Variants in ZHX1 observed in about 807,000 individuals in gnomAD.
ZHX1 encodes zinc fingers and homeoboxes protein 1.
Under a neutral mutation model 61.8 loss-of-function variants are expected in ZHX1, and 20 were observed. That is an observed-to-expected ratio of 0.32 (90% CI 0.23 to 0.47). The LOEUF (loss-of-function observed/expected upper bound fraction) is 0.47. ZHX1 is among the 20% of genes least tolerant of loss of function. The pLI is 1.00. For missense variants in ZHX1, 800 were observed against 1,034.8 expected, an observed-to-expected ratio of 0.77 and a Z score of 3.11; for synonymous variants, 318 against 352.6, an observed-to-expected ratio of 0.90 and a Z score of 1.10.
chr8:123,254,810 A>G lies in ZHX1; in HGVS notation c.1137T>C (p.Asn379=). The change falls in exon 3 of 4, where the codon AAT becomes AAC. Residue 379 remains asparagine (N), a synonymous_variant. Coordinates refer to ENST00000395571, the MANE Select transcript of ZHX1 (RefSeq NM_007222.5). The surrounding 1 kb of genome is among the most constrained non-coding windows in gnomAD (Gnocchi z 4.1). ...VIPTHISTGS[N]GLPSILQTCQ... ...ATGTCTGTAAAATAGATGGTAAACC[A>G]TTACTCCCTGTGGAAATGTGTGTAG... 1 of 1,614,214 alleles carries G rather than the reference A, an allele frequency of 6.2e-7. No homozygotes were observed.
rs1825974120 is a variant in ZHX1, at chr8:123,253,462, T to C, written c.2485A>G (p.Ile829Val). 4 of 1,614,182 alleles carry C rather than the reference T, an allele frequency of 2.5e-6. No individual in the cohort carries two copies. The highest frequency in any genetic ancestry group is 2.5e-6 in the Non-Finnish European group (3 of 1,180,022). ...AERQRRSELG[I>V]ELFEENEEED... ...TCCTCATTTTCCTCAAATAATTCTA[T>C]ACCTAATTCTGATCTTCTCTGTCTT... The change falls in exon 3 of 4, where the codon ATA becomes GTA. Residue 829 changes from isoleucine (I) to valine (V), a missense_variant. Coordinates refer to ENST00000395571, the MANE Select transcript of ZHX1 (RefSeq NM_007222.5).
rs556429617 is a variant in ZHX1, at chr8:123,255,972, T to C, written c.-26A>G. 5.0e-5 allele frequency: 79 copies of C among 1,565,696 alleles called. No individual in the cohort carries two copies. Among genetic ancestry groups the C allele is most frequent in the Non-Finnish European group, 6.5e-5 (75 of 1,157,228 alleles). On this transcript the variant is annotated 5_prime_UTR_variant, in exon 3 of 4. Transcript: ENST00000395571. ...TCTGATGTTATGAGGAAAAGCTCAG[T>C]GGTGATTAAAAAGCATCGAGGCTTA...
intron 2 of ZHX1, among the ~76,000 whole-genome samples, chr8:123,264,206 T>C (rs1826376420): frequency 6.6e-6 from 1 of 152,184 alleles, no homozygotes; most frequent in East Asian, 1.9e-4. Flanking sequence ...GAAAAGGGTA[T>C]AGTTATTATA....
intron 2 of ZHX1, among the ~76,000 whole-genome samples, chr8:123,260,629 C>CAT (rs373661677): frequency 2.0e-5 from 3 of 151,442 alleles, no homozygotes; most frequent in Admixed American, 6.6e-5. Context: ...AAAAACCCCA[C>CAT]ATATATATAT....
In ZHX1 at chr8:123,255,720, G is replaced by A. The variant is rs1469840898; in HGVS notation, c.227C>T (p.Thr76Ile). Residue 76 changes from threonine (T) to isoleucine (I), a missense_variant, in exon 3 of 4, where the codon ACT becomes ATT. Coordinates refer to ENST00000395571, the MANE Select transcript of ZHX1 (RefSeq NM_007222.5). ...VEGGYECKYCTFQTPDLNMFT... is the reference protein window; with the variant it reads ...VEGGYECKYCIFQTPDLNMFT... ...CATATTTAGATCTGGAGTTTGAAAA[G>A]TACAATATTTACATTCATATCCACC... 9 of 1,613,652 alleles carry A rather than the reference G, an allele frequency of 5.6e-6. No individual in the cohort carries two copies. Among genetic ancestry groups the A allele is most frequent in the Non-Finnish European group, 6.8e-6 (8 of 1,179,908 alleles).
intron 2 of ZHX1, among the ~76,000 whole-genome samples, chr8:123,259,532 T>G (rs1826181787): frequency 6.6e-6 from 1 of 152,188 alleles, no homozygotes; most frequent in African/African-American, 2.4e-5. Context: ...GCAGGAAGAT[T>G]CCCTGAGTCT....
intron 1 of ZHX1, among the ~76,000 whole-genome samples, chr8:123,268,696 T>A (rs1461559757): frequency 6.6e-6 from 1 of 152,196 alleles, no homozygotes; most frequent in Non-Finnish European, 1.5e-5. Context: ...TTCACCATGT[T>A]GGCCAGGATG....
At chr8:123,268,877 T>G (rs11993945) in intron 1 of ZHX1, among the ~76,000 whole-genome samples, 9,081 of 152,300 alleles carry the variant, frequency 0.06, 874 homozygotes, top group African/African-American at 0.21. Context: ...CTTATTTTTT[T>G]ATTCCTGCTA....
chr8:123,253,039 T>A (rs547521617), intron 3 of ZHX1: 1 of 286,338 alleles, frequency 3.5e-6, no homozygotes, highest in South Asian at 1.5e-4. Context: ...CCTGCCAGTC[T>A]CCCTTCATAG....
At position 123,255,262 on chromosome 8, in the gene ZHX1, C is replaced by G; in HGVS notation, c.685G>C (p.Ala229Pro). ...EEIVENPSSS[A>P]SESNTSTSIV... ...GAAGTACTTGTATTAGATTCAGAAG[C>G]TGAAGAACTTGGATTTTCTACAATT... The change falls in exon 3 of 4, where the codon GCT becomes CCT. Residue 229 changes from alanine to proline, a missense_variant. Ala to Pro is a conservative substitution (Grantham distance 27). Coordinates refer to ENST00000395571, the MANE Select transcript of ZHX1 (RefSeq NM_007222.5). 1 of 1,614,186 alleles carries G rather than the reference C, an allele frequency of 6.2e-7. No homozygotes were observed. Among genetic ancestry groups the G allele is most frequent in the Non-Finnish European group, 8.5e-7 (1 of 1,180,036 alleles).
intron 1 of ZHX1, 67 bp downstream of exon 1, chr8:123,274,124 TTCCCGTGCCGGCCGCGGACTCTGCGC>T (rs1451446243): frequency 1.3e-5 from 2 of 152,856 alleles, no homozygotes; most frequent in East Asian, 3.9e-4. Context: ...CTACTCGCCT[TTCCCGTGCCGGCCGCGGACTCTGCGC>T]TCCAGTTCCC....
intron 2 of ZHX1, among the ~76,000 whole-genome samples, chr8:123,266,130 T>C (rs1305619478): frequency 1.3e-5 from 2 of 152,194 alleles, no homozygotes; most frequent in Admixed American, 1.3e-4. Context: ...AAGTGATATA[T>C]AAACTAGCAG....
In ZHX1 at chr8:123,254,465, A is replaced by C; in HGVS notation, c.1482T>G (p.Ile494Met). 1 of 1,614,066 alleles carries C rather than the reference A, an allele frequency of 6.2e-7. No homozygotes were observed. The change falls in exon 3 of 4, where the codon ATT (isoleucine) becomes ATG (methionine). Residue 494 changes from isoleucine (I) to methionine (M), a missense_variant. Coordinates refer to ENST00000395571, the MANE Select transcript of ZHX1 (RefSeq NM_007222.5). This position sits in a 1 kb window ranked among gnomAD's most constrained non-coding sequence, Gnocchi z 4.1. ...LKNQFPHDSE[I>M]IRLMKITGLT... ...GGCCTGTTATTTTCATAAGTCTGAT[A>C]ATTTCTGAATCATGGGGAAACTGAT...
At chr8:123,251,066 T>G (rs561787465) in intron 3 of ZHX1, among the ~76,000 whole-genome samples, 13 of 152,284 alleles carry the variant, frequency 8.5e-5, no homozygotes, top group African/African-American at 2.9e-4. Flanking sequence ...GGGAGCCTGG[T>G]GGGAGGTGAC....
chr8:123,249,587 T>C lies in ZHX1; in HGVS notation c.*737A>G, dbSNP rs1825861318. On this transcript the variant is annotated 3_prime_UTR_variant, in exon 4 of 4. Coordinates refer to ENST00000395571, the MANE Select transcript of ZHX1 (RefSeq NM_007222.5). ...TTACCATGTCAGTTTCTTTTCCTTC[T>C]TCAGAATTAATTTCCTGCAGTTTAA... 2 of 152,154 alleles carry C rather than the reference T, an allele frequency of 1.3e-5. No individual in the cohort carries two copies. The highest frequency in any genetic ancestry group is 4.8e-5 in the African/African-American group (2 of 41,438). The allele number at this position is 152,154 out of a possible 1,614,324, so 9.4% of individuals were successfully genotyped here.
chr8:123,254,838 A>G lies in ZHX1; in HGVS notation c.1109T>C (p.Ile370Thr), dbSNP rs1321557684. 6.2e-7 allele frequency: 1 copy of G among 1,614,108 alleles called. No individual in the cohort carries two copies. The highest frequency in any genetic ancestry group is 8.5e-7 in the Non-Finnish European group (1 of 1,180,044). The change falls in exon 3 of 4, where the codon ATT becomes ACT. Residue 370 changes from isoleucine to threonine, a missense_variant. Transcript: ENST00000395571. The surrounding 1 kb of genome is among the most constrained non-coding windows in gnomAD (Gnocchi z 4.1). ...VHTVPQTITV[I>T]PTHISTGSNG... Reference sequence around the variant, plus strand: ...ACTCCCTGTGGAAATGTGTGTAGGAATAACAGTTATGGTCTGAGGTACAGT... The same window carrying G: ...ACTCCCTGTGGAAATGTGTGTAGGAGTAACAGTTATGGTCTGAGGTACAGT...
intron 2 of ZHX1, among the ~76,000 whole-genome samples, chr8:123,263,199 C>A (rs1826340120): frequency 6.6e-6 from 1 of 151,756 alleles, no homozygotes; most frequent in South Asian, 2.1e-4. Flanking sequence ...TAAGAGCTCT[C>A]AAGACCACTC....
chr8:123,251,954 T>C (rs1423536483), intron 3 of ZHX1, among the ~76,000 whole-genome samples: 1 of 152,166 alleles, frequency 6.6e-6, no homozygotes, highest in Non-Finnish European at 1.5e-5. Context: ...TGGTACATAT[T>C]AAGCTCTCTA....
At chr8:123,256,715 G>T (rs1338783973) in intron 2 of ZHX1, among the ~76,000 whole-genome samples, 1 of 149,496 alleles carries the variant, frequency 6.7e-6, no homozygotes, top group South Asian at 2.1e-4. Context: ...TGTAAGCCAA[G>T]ATCATGCCAC....
Sources: gnomAD v4.1 joint callset for allele counts (sites outside exome capture counted in the v4.1 genomes callset) on GRCh38, gnomAD v4.1.1 for gene constraint, Gnocchi (gnomAD v3.1) non-coding constraint, MANE v1.5 for transcripts, NCBI Gene and HGNC (gene_info 2026-07-23, HGNC 2026-07-21) for gene names.